The following KCNK16 variants were observed in gnomAD, a reference collection of about 807,000 sequenced individuals.
KCNK16 encodes the protein potassium two pore domain channel subfamily K member 16.
A neutral mutation model predicts 23.0 loss-of-function variants in KCNK16; 23 were observed. That is an observed-to-expected ratio of 1.00 (90% CI 0.72 to 1.41). The LOEUF (loss-of-function observed/expected upper bound fraction) is 1.41. Ranked by LOEUF, KCNK16 falls within the 40% of genes most tolerant of loss-of-function variation. The pLI is 0.00. For missense variants in KCNK16, 327 were observed against 365.8 expected, an observed-to-expected ratio of 0.89 and a Z score of 0.87; for synonymous variants, 145 against 153.5, an observed-to-expected ratio of 0.94 and a Z score of 0.41.
At chr6:39,315,948 G>A (rs1179807248), downstream of KCNK16, among the ~76,000 whole-genome samples, 1 of 152,164 alleles carries the variant, frequency 6.6e-6, no homozygotes, top group African/African-American at 2.4e-5. Context: ...TGGAGATCTG[G>A]CCACTACCTT....
At position 39,319,028 on chromosome 6, in the gene KCNK16, T is replaced by C. The variant is rs1762421691; in HGVS notation, c.319A>G (p.Thr107Ala). Reference protein sequence around the residue: ...SSFFFAGTVVTTIGYGNLAPS... With the variant: ...SSFFFAGTVVATIGYGNLAPS... Reference sequence around the variant, plus strand: ...TACCCCAGCCCTTTACCTATGGTAGTGACGACTGTGCCTGCAAAGAAGAAA... The same window carrying C: ...TACCCCAGCCCTTTACCTATGGTAGCGACGACTGTGCCTGCAAAGAAGAAA... Residue 107 changes from threonine (T) to alanine (A), a missense_variant, in exon 2 of 5, where the codon ACT (threonine) becomes GCT (alanine). Thr to Ala is a moderately conservative substitution (Grantham distance 58). Coordinates refer to ENST00000437525, the MANE Select transcript of KCNK16 (RefSeq NM_001135106.2). The surrounding 1 kb of genome is among the most constrained non-coding windows in gnomAD (Gnocchi z 4.2). 1.2e-6 allele frequency: 2 copies of C among 1,612,228 alleles called. No individual in the cohort carries two copies. Among genetic ancestry groups the C allele is most frequent in the African/African-American group, 1.3e-5 (1 of 74,886 alleles).
rs1370542733 is a variant in KCNK16, at chr6:39,319,493, C to T, written c.214-360G>A. Among the ~76,000 whole-genome samples the T allele has an allele frequency of 1.3e-5, 2 of 152,096 alleles. No individual in the cohort carries two copies. Among genetic ancestry groups the T allele is most frequent in the Non-Finnish European group, 2.9e-5 (2 of 68,024 alleles). On this transcript the variant is annotated intron_variant, in intron 1 of 4. Transcript: ENST00000437525. The surrounding 1 kb of genome is among the most constrained non-coding windows in gnomAD (Gnocchi z 4.2). The stretch of plus-strand genomic sequence containing the variant: ...CTGGTGGCCAAAAGGATGGCACCCA[C>T]ATCAGCTGTTAGAACAATGGGAGGA...
At chr6:39,314,743 A>C, downstream of KCNK16, 1 of 479,954 alleles carries the variant, frequency 2.1e-6, no homozygotes, top group Non-Finnish European at 3.6e-6. Flanking sequence ...GCCCCTGCCT[A>C]AGTTCTTGGA....
chr6:39,315,092 G>A (rs1316584746), downstream of KCNK16: 1 of 1,614,210 alleles, frequency 6.2e-7, no homozygotes, highest in Non-Finnish European at 8.5e-7. Flanking sequence ...TGGGTCTCCT[G>A]CCTGGAGCCG....
At chr6:39,318,300 T>A (rs933021347) in intron 2 of KCNK16, among the ~76,000 whole-genome samples, 1 of 152,234 alleles carries the variant, frequency 6.6e-6, no homozygotes, top group African/African-American at 2.4e-5. Flanking sequence ...TTTGTTGGAC[T>A]GGAAGTTCCT....
At position 39,319,083 on chromosome 6, in the gene KCNK16, G is replaced by A. The variant is rs775323643; in HGVS notation, c.264C>T (p.Thr88=). The part of the protein sequence containing the change: ...VKGVNPKGNS[T]NPSNWDFGSS... ...TGCCAAAGTCCCAGTTGCTGGGGTT[G>A]GTAGAGTTGCCTTTGGGGTTCACAC... The change falls in exon 2 of 5, where the codon ACC becomes ACT. Residue 88 remains threonine (T), a synonymous_variant. Transcript: ENST00000437525. This position sits in a 1 kb window ranked among gnomAD's most constrained non-coding sequence, Gnocchi z 4.2. 6.2e-7 allele frequency: 1 copy of A among 1,614,126 alleles called. No individual in the cohort carries two copies. The highest frequency in any genetic ancestry group is 1.3e-5 in the African/African-American group (1 of 75,040).
chr6:39,316,170 G>T, downstream of KCNK16: 1 of 1,466,130 alleles, frequency 6.8e-7, no homozygotes, highest in Non-Finnish European at 9.0e-7. Context: ...GAGCAGATAG[G>T]GTGGGACTGG....
At chr6:39,317,069 C>G in intron 3 of KCNK16, 122 bp from the exon 4 acceptor site, 1 of 956,744 alleles carries the variant, frequency 1.0e-6, no homozygotes, top group Non-Finnish European at 1.5e-6. Context: ...CTTTCCTGCA[C>G]TGCAGACCCT....
rs1451642995 is a variant in KCNK16, at chr6:39,317,956, C to T, written c.329-4G>A. The T allele has an allele frequency of 3.1e-6, 5 of 1,598,692 alleles. No homozygotes were observed. Among genetic ancestry groups the T allele is most frequent in the Non-Finnish European group, 4.3e-6 (5 of 1,170,768 alleles). The stretch of plus-strand genomic sequence containing the variant: ...CTGGGTGCCAGGTTCCCATATCCTG[C>T]AAGGGAAGGGGGGCGTGTGCAAATA... On this transcript the variant is annotated splice_region_variant and splice_polypyrimidine_tract_variant and intron_variant, in intron 2 of 4. Coordinates refer to ENST00000437525, the MANE Select transcript of KCNK16 (RefSeq NM_001135106.2).
At chr6:39,321,304 C>G (rs1295315564) in intron 1 of KCNK16, among the ~76,000 whole-genome samples, 1 of 152,226 alleles carries the variant, frequency 6.6e-6, no homozygotes, top group African/African-American at 2.4e-5. Context: ...GTGGTGAAGA[C>G]CCGGGGCTCC....
intron 3 of KCNK16, 95 bp from the exon 4 acceptor site, chr6:39,317,042 G>A: frequency 7.8e-7 from 1 of 1,277,030 alleles, no homozygotes; most frequent in Non-Finnish European, 1.1e-6. Flanking sequence ...GAATGGGACT[G>A]GGCCATAGCT....
Position 39,316,871 on chromosome 6 carries a change from A to G in KCNK16, c.572T>C (p.Phe191Ser). 1 of 1,614,068 alleles carries G rather than the reference A, an allele frequency of 6.2e-7. No homozygotes were observed. The part of the protein sequence containing the change: ...LVILIFPPMV[F>S]SHVEGWSFSE... The stretch of plus-strand genomic sequence containing the variant: ...GAAGCTCCAGCCCTCCACATGGCTG[A>G]AGACCATGGGTGGGAAGATGAGAAT... Residue 191 changes from phenylalanine to serine, a missense_variant, in exon 4 of 5, where the codon TTC becomes TCC. Transcript: ENST00000437525.
In KCNK16 at chr6:39,318,344, A is replaced by G. The variant is rs146182755; in HGVS notation, c.329-392T>C. Among the ~76,000 whole-genome samples the G allele has an allele frequency of 2.2e-4, 34 of 152,170 alleles. No individual in the cohort carries two copies. In the East Asian group the frequency reaches 4.3e-3, roughly 19 times the overall value. On this transcript the variant is annotated intron_variant, in intron 2 of 4. Transcript: ENST00000437525. ...GAGCCTGGGTCTGATCCAAGTTTGT[A>G]TCTCTCACCCCCAACTCCATCACTC...
chr6:39,315,467 G>A (rs1436968489), downstream of KCNK16: 12 of 1,518,480 alleles, frequency 7.9e-6, no homozygotes, highest in Admixed American at 4.1e-5. Context: ...TCAGGAAAGT[G>A]GGTAGGACAC....
In KCNK16 at chr6:39,319,363, GC is replaced by G. The variant is rs1762433062; in HGVS notation, c.214-231del. On this transcript the variant is annotated intron_variant, in intron 1 of 4. Coordinates refer to ENST00000437525, the MANE Select transcript of KCNK16 (RefSeq NM_001135106.2). This position sits in a 1 kb window ranked among gnomAD's most constrained non-coding sequence, Gnocchi z 4.2. ...GTCTGTTCCACTGTCTGTTCCACTG[GC>G]CAGGGCTGACTGAGGTGTGGGCTGC... Among the ~76,000 whole-genome samples the G allele has an allele frequency of 6.6e-6, 1 of 152,188 alleles. No individual in the cohort carries two copies. Among genetic ancestry groups the G allele is most frequent in the Non-Finnish European group, 1.5e-5 (1 of 68,036 alleles).
Position 39,321,873 on chromosome 6 carries a change from C to T in KCNK16, c.213+455G>A, listed in dbSNP as rs558055455. ...TTTATCTGTGTCTCCCACCCGCAGC[C>T]GTCTGCCCAGGGATATGAGCTGGGA... On this transcript the variant is annotated intron_variant, in intron 1 of 4. Transcript: ENST00000437525. Among the ~76,000 whole-genome samples, 5 of 152,322 alleles carry T rather than the reference C, an allele frequency of 3.3e-5. No homozygotes were observed. In the East Asian group the frequency reaches 9.7e-4, roughly 29 times the overall value.
At chr6:39,320,534 C>T (rs578056251) in intron 1 of KCNK16, among the ~76,000 whole-genome samples, 2 of 152,238 alleles carry the variant, frequency 1.3e-5, no homozygotes, top group African/African-American at 4.8e-5. Flanking sequence ...ACTAGTTACT[C>T]AACTCGCCCT....
chr6:39,320,938 C>T (rs1405978204), intron 1 of KCNK16, among the ~76,000 whole-genome samples: 1 of 152,180 alleles, frequency 6.6e-6, no homozygotes, highest in African/African-American at 2.4e-5. Flanking sequence ...GTACTATGGT[C>T]CCCCAACTTT....
At chr6:39,320,388 C>T (rs1310097512) in intron 1 of KCNK16, among the ~76,000 whole-genome samples, 1 of 152,228 alleles carries the variant, frequency 6.6e-6, no homozygotes, top group East Asian at 1.9e-4. Flanking sequence ...CACTGCCAGC[C>T]TGCAGCCCTC....
Sources: gnomAD v4.1 joint callset for allele counts (sites outside exome capture counted in the v4.1 genomes callset) on GRCh38, gnomAD v4.1.1 for gene constraint, Gnocchi (gnomAD v3.1) non-coding constraint, MANE v1.5 for transcripts, NCBI Gene and HGNC (gene_info 2026-07-23, HGNC 2026-07-21) for gene names.